Variants in PSD3 observed in about 807,000 individuals in gnomAD.
PSD3 encodes the protein pleckstrin and Sec7 domain containing 3.
PSD3 carries 49 observed loss-of-function variants against 105.5 expected under a neutral mutation model. The observed-to-expected ratio is 0.46, with a 90% confidence interval of 0.37 to 0.59. The LOEUF is 0.59. Among genes scored for constraint, PSD3 ranks in the 20% least tolerant of loss-of-function variants. The pLI, the probability that PSD3 is intolerant of heterozygous loss-of-function variation, is 0.00. For synonymous variants in PSD3, 557 were observed against 457.8 expected (o/e 1.22, Z -2.77); for missense variants, 1,561 against 1,263.8 (o/e 1.24, Z -3.57).
rs564370688 is a variant in PSD3 at position 19,008,241 on chromosome 8, A to C, written c.21+5322T>G. On this transcript the variant is annotated intron_variant, in intron 1 of 15. Transcript: ENST00000327040. ...TAGAAATGAATCGGCGAAACATAAA[A>C]ATCTGCCCAAAAGTAACTTTGCTAT... is the stretch of plus-strand genomic sequence containing the variant. Among the ~76,000 whole-genome samples the C allele has an allele frequency of 3.3e-5, 5 of 152,332 alleles. No homozygotes were observed. The South Asian group carries it at 1.0e-3, about 32-fold the overall frequency.
intron 4 of PSD3, chr8:18,808,766 C>G: frequency 1.2e-6 from 2 of 1,614,072 alleles, no homozygotes; most frequent in Non-Finnish European, 1.7e-6. Flanking sequence ...AGCAACCATA[C>G]AGACACCAAG....
chr8:18,886,827 C>T (rs1046596626), intron 2 of PSD3: 4 of 152,214 alleles, frequency 2.6e-5, no homozygotes, highest in East Asian at 1.9e-4. Flanking sequence ...ACTTGGAACC[C>T]GAGCCGAGAG....
chr8:18,750,186 G>GA (rs1271052903), intron 9 of PSD3, among the ~76,000 whole-genome samples: 1 of 152,164 alleles, frequency 6.6e-6, no homozygotes, highest in Non-Finnish European at 1.5e-5. Context: ...ACTGTGTCCG[G>GA]AATTGGTGGG....
chr8:18,828,045 A>G (rs1201809638), intron 4 of PSD3, among the ~76,000 whole-genome samples: 1 of 126,220 alleles, frequency 7.9e-6, no homozygotes, highest in Non-Finnish European at 1.6e-5. Context: ...TAATATATAT[A>G]TGTATATATA....
intron 9 of PSD3, among the ~76,000 whole-genome samples, chr8:18,752,025 A>C (rs1187068553): frequency 1.3e-5 from 2 of 149,908 alleles, no homozygotes; most frequent in Non-Finnish European, 3.0e-5. Flanking sequence ...AAATACATAA[A>C]AAAAAAAAAA....
intron 8 of PSD3, chr8:18,799,060 C>T (rs778241033): frequency 1.0e-4 from 47 of 464,318 alleles, no homozygotes; most frequent in Admixed American, 2.1e-4. Flanking sequence ...ACAGAACACA[C>T]ACATTACTGC....
chr8:18,638,723 A>C (rs2130790893), intron 10 of PSD3, among the ~76,000 whole-genome samples: 1 of 152,260 alleles, frequency 6.6e-6, no homozygotes, highest in South Asian at 2.1e-4. Context: ...GTCATTTTTT[A>C]TAGGGATAGA....
chr8:18,951,733 C>A (rs942366776), intron 1 of PSD3, among the ~76,000 whole-genome samples: 4 of 152,006 alleles, frequency 2.6e-5, no homozygotes, highest in Non-Finnish European at 4.4e-5. Flanking sequence ...ACCTGTAATC[C>A]CAGCACTTTG....
intron 12 of PSD3, among the ~76,000 whole-genome samples, chr8:18,600,055 C>T (rs1385131022): frequency 3.3e-5 from 5 of 152,116 alleles, no homozygotes; most frequent in African/African-American, 1.2e-4. Flanking sequence ...GATGTCATCA[C>T]AGAGATGTCT....
At chr8:18,654,503 T>G (rs1808745311) in intron 10 of PSD3, among the ~76,000 whole-genome samples, 1 of 152,308 alleles carries the variant, frequency 6.6e-6, no homozygotes, top group South Asian at 2.1e-4. Flanking sequence ...TGATTAAAAA[T>G]TTCATATTCT....
chr8:19,047,412 G>A (rs1314809098), intron 1 of PSD3, among the ~76,000 whole-genome samples: 1 of 152,160 alleles, frequency 6.6e-6, no homozygotes, highest in Non-Finnish European at 1.5e-5. Context: ...CTAGTCAGAT[G>A]ATAAAATTCC....
At chr8:18,731,171 G>C (rs1471447438) in intron 9 of PSD3, among the ~76,000 whole-genome samples, 1 of 152,088 alleles carries the variant, frequency 6.6e-6, no homozygotes, top group African/African-American at 2.4e-5. Flanking sequence ...CAGGAGAATC[G>C]CTTGAACCCG....
intron 15 of PSD3, among the ~76,000 whole-genome samples, chr8:18,542,311 A>C (rs1256501847): frequency 6.6e-6 from 1 of 152,226 alleles, no homozygotes; most frequent in Admixed American, 6.5e-5. Context: ...TTCTCACATG[A>C]AATTGACATG....
At chr8:18,598,514 T>G (rs1235794138) in intron 12 of PSD3, among the ~76,000 whole-genome samples, 1 of 151,862 alleles carries the variant, frequency 6.6e-6, no homozygotes, top group African/African-American at 2.4e-5. Context: ...TCAGTCAAAG[T>G]GATAAAACGC....
At chr8:18,982,560 C>T (rs1266654770) in intron 1 of PSD3, among the ~76,000 whole-genome samples, 1 of 152,104 alleles carries the variant, frequency 6.6e-6, no homozygotes, top group Non-Finnish European at 1.5e-5. Flanking sequence ...ACTCAAAAGT[C>T]AAAATTACTC....
chr8:18,691,797 TCCCTGC>T (rs1467551014), intron 9 of PSD3, among the ~76,000 whole-genome samples: 18 of 152,150 alleles, frequency 1.2e-4, no homozygotes, highest in African/African-American at 3.4e-4. Flanking sequence ...TGATCAGAGA[TCCCTGC>T]CCTTGTGCTT....
intron 4 of PSD3, among the ~76,000 whole-genome samples, chr8:18,816,253 C>G (rs1812215991): frequency 6.6e-6 from 1 of 152,212 alleles, no homozygotes; most frequent in African/African-American, 2.4e-5. Context: ...TTTATACTAA[C>G]TCACTTAATG....
At position 18,528,223 on chromosome 8, in the gene PSD3, G is replaced by T. The variant is rs1322867239; in HGVS notation, c.*7520C>A. ...GCCTTTACCTAACAGCTCTGATCTG[G>T]ACTGAACAAAGCTGCTAAGCTAGCA... On this transcript the variant is annotated 3_prime_UTR_variant, in exon 16 of 16. Coordinates refer to ENST00000327040, the MANE Select transcript of PSD3 (RefSeq NM_015310.4). 1 of 152,160 alleles carries T rather than the reference G, an allele frequency of 6.6e-6. No homozygotes were observed. The highest frequency in any genetic ancestry group is 1.5e-5 in the Non-Finnish European group (1 of 68,038). The allele number at this position is 152,160 out of a possible 1,614,324, so 9.4% of individuals were successfully genotyped here.
chr8:18,901,284 C>T (rs1220164213), intron 2 of PSD3, among the ~76,000 whole-genome samples: 1 of 152,046 alleles, frequency 6.6e-6, no homozygotes, highest in East Asian at 1.9e-4. Flanking sequence ...ATAAGTGGAC[C>T]TGTGCAGGTC....
Sources: allele counts gnomAD v4.1 joint callset (sites outside exome capture counted in the v4.1 genomes callset), GRCh38; gene constraint gnomAD v4.1.1; transcripts MANE v1.5; gene names NCBI Gene and HGNC (gene_info 2026-07-23, HGNC 2026-07-21).